The following TMEM161B variants were observed in gnomAD, a reference collection of about 807,000 sequenced individuals.
TMEM161B encodes the protein transmembrane protein 161B.
In TMEM161B, 34 loss-of-function variants were observed where a neutral mutation model predicts 61.8. The ratio of observed to expected loss-of-function variants is 0.55; its 90% CI spans 0.42 to 0.73. TMEM161B has a LOEUF of 0.73. Ranked by LOEUF, TMEM161B falls within the 30% of genes least tolerant of loss-of-function variation. The probability of loss-of-function intolerance (pLI) is 0.00; values close to 1 mark genes in which losing one functional copy is unlikely to be tolerated. For synonymous variants in TMEM161B, 167 were observed against 192.8 expected (o/e 0.87, Z 1.11); for missense variants, 456 against 558.5 (o/e 0.82, Z 1.85).
At chr5:88,257,392 CTTAA>C (rs917377690) in intron 1 of TMEM161B, among the ~76,000 whole-genome samples, 7 of 152,130 alleles carry the variant, frequency 4.6e-5, no homozygotes, top group South Asian at 2.1e-4. Flanking sequence ...AAAATTTCAG[CTTAA>C]TTAAATTTTA....
intron 5 of TMEM161B, among the ~76,000 whole-genome samples, chr5:88,218,137 A>C (rs1432443874): frequency 2.6e-5 from 4 of 152,152 alleles, no homozygotes; most frequent in African/African-American, 9.7e-5. Flanking sequence ...ATATAAACAT[A>C]TTTCTTTCAA....
chr5:88,205,252 TG>T, intron 8 of TMEM161B, among the ~76,000 whole-genome samples: 1 of 152,258 alleles, frequency 6.6e-6, no homozygotes, highest in East Asian at 1.9e-4. Flanking sequence ...AAATAGAATT[TG>T]GTAGTTAGAA....
At chr5:88,206,056 A>T (rs1027821137) in intron 7 of TMEM161B, 102 bp from the exon 8 acceptor site, 9 of 958,962 alleles carry the variant, frequency 9.4e-6, no homozygotes, top group Non-Finnish European at 1.4e-5. Flanking sequence ...AATAACAGTA[A>T]AACAAAGCAA....
At chr5:88,225,068 C>T (rs1275579534) in intron 4 of TMEM161B, among the ~76,000 whole-genome samples, 3 of 149,424 alleles carry the variant, frequency 2.0e-5, no homozygotes, top group Admixed American at 1.4e-4. Flanking sequence ...CCCGGGTTCA[C>T]GTCATTCTCC....
chr5:88,211,820 G>T (rs1170533539), intron 5 of TMEM161B, among the ~76,000 whole-genome samples: 2 of 149,058 alleles, frequency 1.3e-5, no homozygotes, highest in East Asian at 3.9e-4. Context: ...GGTTAATCCA[G>T]AACATACAAT....
rs764112016 is a variant in TMEM161B at position 88,220,727 on chromosome 5, GAAA to G, written c.290-11_290-9del. 0.011 allele frequency: 6,257 copies of G among 595,514 alleles called. No individual in the cohort carries two copies. The highest frequency in any genetic ancestry group is 0.017 in the East Asian group (161 of 9,258). The allele number at this position is 595,514 out of a possible 1,614,324, so 36.9% of individuals were successfully genotyped here. ...CTGGAAAGTAATGCAATGCTGGAAAGAAAAAAAAAAAAAAAAAAAAAAAAGGTC... is the reference window on the plus strand; with the variant it reads ...CTGGAAAGTAATGCAATGCTGGAAAGAAAAAAAAAAAAAAAAAAAAAGGTC... On this transcript the variant is annotated splice_polypyrimidine_tract_variant and intron_variant, in intron 4 of 11. Transcript: ENST00000296595.
downstream of TMEM161B, among the ~76,000 whole-genome samples, chr5:88,186,082 A>G (rs1748344857): frequency 6.6e-6 from 1 of 152,224 alleles, no homozygotes; most frequent in Admixed American, 6.5e-5. Flanking sequence ...AACTATTAAT[A>G]GTATCAAGTT....
chr5:88,216,089 C>T (rs1287260380), intron 5 of TMEM161B, among the ~76,000 whole-genome samples: 1 of 152,050 alleles, frequency 6.6e-6, no homozygotes, highest in Admixed American at 6.6e-5. Context: ...GAGACCCCAT[C>T]TCTATAAAAA....
intron 5 of TMEM161B, among the ~76,000 whole-genome samples, chr5:88,212,293 T>C (rs888839245): frequency 6.6e-6 from 1 of 152,180 alleles, no homozygotes; most frequent in Non-Finnish European, 1.5e-5. Context: ...ATTCATGCTT[T>C]AGCAGAAAGC....
Position 88,195,060 on chromosome 5 carries a change from A to G in TMEM161B, c.*1151T>C. ...GTCCTATTTAACAAAGGCATACATG[A>G]TACCTGTAGACCTGATTTGAGAGGG... On this transcript the variant is annotated 3_prime_UTR_variant, in exon 12 of 12. Transcript: ENST00000296595. 1.4e-6 allele frequency: 1 copy of G among 737,640 alleles called. No homozygotes were observed. Among genetic ancestry groups the G allele is most frequent in the Non-Finnish European group, 1.7e-6 (1 of 603,664 alleles). The allele number at this position is 737,640 out of a possible 1,614,324, so 45.7% of individuals were successfully genotyped here. A position where few individuals can be genotyped will look rare whatever the true frequency, so the allele number is the denominator to read the frequency against.
rs576835799 is a variant in TMEM161B, at chr5:88,223,084, C to A, written c.290-2365G>T. Among the ~76,000 whole-genome samples the A allele has an allele frequency of 2.6e-5, 4 of 151,226 alleles. No individual in the cohort carries two copies. In the East Asian group the frequency reaches 7.8e-4, roughly 29 times the overall value. ...AGTTCTCAAAATCCTAAAAGTGAAA[C>A]CAAATACTCCATAAACTACATGCTA... On this transcript the variant is annotated intron_variant, in intron 4 of 11. Transcript: ENST00000296595.
chr5:88,254,741 C>T (rs1754753750), intron 1 of TMEM161B, among the ~76,000 whole-genome samples: 1 of 151,774 alleles, frequency 6.6e-6, no homozygotes, highest in Non-Finnish European at 1.5e-5. Flanking sequence ...ATTCAGAAGG[C>T]TGAGGTGAGA....
At chr5:88,221,540 T>C (rs1029315437) in intron 4 of TMEM161B, 4 of 359,842 alleles carry the variant, frequency 1.1e-5, no homozygotes, top group Non-Finnish European at 2.2e-5. Flanking sequence ...TCTTATACCC[T>C]ATTTTGTTCT....
Position 88,196,125 on chromosome 5 carries a change from T to C in TMEM161B, c.*86A>G. 6.7e-7 allele frequency: 1 copy of C among 1,496,768 alleles called. No homozygotes were observed. The highest frequency in any genetic ancestry group is 8.9e-7 in the Non-Finnish European group (1 of 1,126,942). The allele number at this position is 1,496,768 out of a possible 1,614,324, so 92.7% of individuals were successfully genotyped here. A position where few individuals can be genotyped will look rare whatever the true frequency, so the allele number is the denominator to read the frequency against. Reference sequence around the variant, plus strand: ...GTTTTTTTTTTCCCATTGTATTTGCTTTCTTCTGGTTTTCATCAGCCCTTT... The same window carrying C: ...GTTTTTTTTTTCCCATTGTATTTGCCTTCTTCTGGTTTTCATCAGCCCTTT... On this transcript the variant is annotated 3_prime_UTR_variant, in exon 12 of 12. Coordinates refer to ENST00000296595, the MANE Select transcript of TMEM161B (RefSeq NM_153354.5).
chr5:88,210,356 G>C (rs1161476365), intron 5 of TMEM161B, among the ~76,000 whole-genome samples: 2 of 152,138 alleles, frequency 1.3e-5, no homozygotes, highest in Non-Finnish European at 2.9e-5. Context: ...ATTCCTGATT[G>C]TGTTTAAATT....
intron 2 of TMEM161B, among the ~76,000 whole-genome samples, chr5:88,238,657 C>T (rs1164714316): frequency 6.6e-6 from 1 of 151,922 alleles, no homozygotes; most frequent in Non-Finnish European, 1.5e-5. Context: ...ATTTAAAATG[C>T]AAACTGTCAT....
intron 8 of TMEM161B, among the ~76,000 whole-genome samples, chr5:88,205,398 G>A (rs1745269449): frequency 1.3e-5 from 2 of 151,858 alleles, no homozygotes; most frequent in Non-Finnish European, 2.9e-5. Flanking sequence ...GTTTTAAAAT[G>A]TTTTTAAGTA....
intron 1 of TMEM161B, among the ~76,000 whole-genome samples, chr5:88,246,656 T>C (rs1367961436): frequency 6.6e-6 from 1 of 151,948 alleles, no homozygotes; most frequent in Non-Finnish European, 1.5e-5. Flanking sequence ...ACCAATTTAG[T>C]GTCACTGTAT....
intron 1 of TMEM161B, among the ~76,000 whole-genome samples, chr5:88,265,139 T>C (rs574945454): frequency 1.3e-5 from 2 of 152,342 alleles, no homozygotes; most frequent in Admixed American, 1.3e-4. Context: ...TAAAACTTTA[T>C]GCTACCCCAA....
Sources: allele counts gnomAD v4.1 joint callset (sites outside exome capture counted in the v4.1 genomes callset), GRCh38; gene constraint gnomAD v4.1.1; transcripts MANE v1.5; gene names NCBI Gene and HGNC (gene_info 2026-07-23, HGNC 2026-07-21).